Variants in PPARGC1A observed in about 807,000 individuals in gnomAD.
The protein encoded by PPARGC1A is PPARG coactivator 1 alpha.
Under a neutral mutation model 88.7 loss-of-function variants are expected in PPARGC1A, and 25 were observed. The observed-to-expected ratio is 0.28, with a 90% CI of 0.21 to 0.39. PPARGC1A has a LOEUF of 0.39. Among genes scored for constraint, PPARGC1A ranks in the 10% least tolerant of loss-of-function variants. The pLI is 1.00. For missense variants in PPARGC1A, 880 were observed against 968.7 expected (o/e 0.91, Z 1.22); for synonymous variants, 363 against 355.6 (o/e 1.02, Z -0.24).
At chr4:24,301,290 C>T in the PPARGC1A span, among the ~76,000 whole-genome samples, 1 of 151,966 alleles carries the variant, frequency 6.6e-6, no homozygotes, top group African/African-American at 2.4e-5. Flanking sequence ...CAAAACCATC[C>T]AAGTCCAGGG....
the PPARGC1A span, among the ~76,000 whole-genome samples, chr4:24,319,613 T>C: frequency 1.3e-5 from 2 of 152,218 alleles, no homozygotes; most frequent in Non-Finnish European, 2.9e-5. Flanking sequence ...ACAGTGAGTT[T>C]TGGTGACTCA....
At chr4:24,435,342 A>G in the PPARGC1A span, among the ~76,000 whole-genome samples, 1 of 152,208 alleles carries the variant, frequency 6.6e-6, no homozygotes, top group African/African-American at 2.4e-5. Flanking sequence ...CTCCAGTTGC[A>G]CTGGCATTTG....
the PPARGC1A span, among the ~76,000 whole-genome samples, chr4:24,463,218 T>C: frequency 1.3e-5 from 2 of 152,320 alleles, no homozygotes; most frequent in East Asian, 3.9e-4. Context: ...ATATTAACTT[T>C]AAAGAAATGG....
the PPARGC1A span, among the ~76,000 whole-genome samples, chr4:24,390,014 ATGGTAT>A: frequency 6.6e-6 from 1 of 152,190 alleles, no homozygotes; most frequent in Non-Finnish European, 1.5e-5. Flanking sequence ...GGAGTTTTTA[ATGGTAT>A]AGTAAAACTT....
the PPARGC1A span, among the ~76,000 whole-genome samples, chr4:24,043,516 C>G: frequency 6.1e-4 from 93 of 152,188 alleles, no homozygotes; most frequent in Non-Finnish European, 1.0e-3. Flanking sequence ...ATTATAAACA[C>G]CCCTTTTCTC....
At chr4:24,109,824 G>C in the PPARGC1A span, among the ~76,000 whole-genome samples, 1 of 152,182 alleles carries the variant, frequency 6.6e-6, no homozygotes, top group Non-Finnish European at 1.5e-5. Context: ...ATGTGTTCTT[G>C]AAAATGCGTT....
the PPARGC1A span, among the ~76,000 whole-genome samples, chr4:24,202,909 A>C: frequency 1.3e-5 from 2 of 152,172 alleles, no homozygotes; most frequent in African/African-American, 4.8e-5. Flanking sequence ...CAAGCTTTAA[A>C]GAGTCCACAG....
the PPARGC1A span, among the ~76,000 whole-genome samples, chr4:24,026,122 A>T: frequency 3.7e-4 from 56 of 152,324 alleles, no homozygotes; most frequent in African/African-American, 1.2e-3. Flanking sequence ...AATTTCAAAG[A>T]TCTGACAGTC....
At chr4:23,922,296 T>A in the PPARGC1A span, among the ~76,000 whole-genome samples, 1 of 152,118 alleles carries the variant, frequency 6.6e-6, no homozygotes, top group Non-Finnish European at 1.5e-5. Flanking sequence ...GTCCTCAACA[T>A]CCCATCACAT....
At chr4:24,068,898 CT>C in the PPARGC1A span, among the ~76,000 whole-genome samples, 1 of 152,138 alleles carries the variant, frequency 6.6e-6, no homozygotes, top group Non-Finnish European at 1.5e-5. Flanking sequence ...CAGCATTGTG[CT>C]GGTGATGGAT....
chr4:23,889,442 A>T (rs1717457807), intron 1 of PPARGC1A: 1 of 918,810 alleles, frequency 1.1e-6, no homozygotes, highest in South Asian at 5.0e-5. Flanking sequence ...ATGAACAGAG[A>T]GAGAGGGGGG....
the PPARGC1A span, among the ~76,000 whole-genome samples, chr4:24,258,443 G>T: frequency 3.8e-4 from 58 of 152,106 alleles, no homozygotes; most frequent in Non-Finnish European, 5.9e-4. Context: ...TTTCCCAAGG[G>T]GACTGATATT....
At chr4:24,247,299 G>A in the PPARGC1A span, among the ~76,000 whole-genome samples, 2 of 151,988 alleles carry the variant, frequency 1.3e-5, no homozygotes, top group Non-Finnish European at 2.9e-5. Flanking sequence ...CTATGCTAAG[G>A]CAAGAAACTA....
At chr4:24,204,586 A>G in the PPARGC1A span, among the ~76,000 whole-genome samples, 2 of 152,126 alleles carry the variant, frequency 1.3e-5, no homozygotes, top group Admixed American at 6.5e-5. Flanking sequence ...ACATCCACAT[A>G]ACCCTGAGAA....
the PPARGC1A span, among the ~76,000 whole-genome samples, chr4:24,236,165 G>A: frequency 2.6e-5 from 4 of 152,098 alleles, no homozygotes; most frequent in African/African-American, 7.2e-5. Context: ...GCATGTATCC[G>A]GAAGCTTTAT....
chr4:24,391,299 C>A, the PPARGC1A span, among the ~76,000 whole-genome samples: 14 of 152,130 alleles, frequency 9.2e-5, no homozygotes, highest in Non-Finnish European at 1.8e-4. Flanking sequence ...ACTATTCATC[C>A]AAATAAAGTT....
chr4:24,284,814 G>A, the PPARGC1A span, among the ~76,000 whole-genome samples: 1 of 152,180 alleles, frequency 6.6e-6, no homozygotes, highest in South Asian at 2.1e-4. Flanking sequence ...GGATCATGAG[G>A]TCAGGAGTTG....
chr4:24,360,512 T>C, the PPARGC1A span, among the ~76,000 whole-genome samples: 2 of 152,126 alleles, frequency 1.3e-5, no homozygotes, highest in South Asian at 4.1e-4. Flanking sequence ...ATTATATGTG[T>C]TTGTGTGTTG....
the PPARGC1A span, among the ~76,000 whole-genome samples, chr4:23,930,569 G>T: frequency 6.6e-6 from 1 of 152,132 alleles, no homozygotes; most frequent in African/African-American, 2.4e-5. Flanking sequence ...CCTTATCATT[G>T]ATTTCTTTCT....
Sources: allele counts gnomAD v4.1 joint callset (sites outside exome capture counted in the v4.1 genomes callset), GRCh38; gene constraint gnomAD v4.1.1; transcripts MANE v1.5; gene names NCBI Gene and HGNC (gene_info 2026-07-23, HGNC 2026-07-21).